The following TBX18 variants were observed in gnomAD, a reference collection of about 807,000 sequenced individuals.
TBX18 encodes T-box transcription factor 18.
TBX18 carries 21 observed loss-of-function variants against 55.0 expected under a neutral mutation model. The ratio of observed to expected loss-of-function variants is 0.38; its 90% CI spans 0.27 to 0.55. TBX18 has a LOEUF of 0.55. TBX18 is among the 20% of genes least tolerant of loss of function. TBX18 has a pLI of 0.73. For missense variants in TBX18, 840 were observed against 799.6 expected (o/e 1.05, Z -0.61); for synonymous variants, 342 against 326.1 (o/e 1.05, Z -0.53).
intron 3 of TBX18, among the ~76,000 whole-genome samples, chr6:84,759,907 T>C (rs944315669): frequency 1.3e-5 from 2 of 152,170 alleles, no homozygotes; most frequent in South Asian, 4.1e-4. Flanking sequence ...TAATATAATT[T>C]ATATCTATAA....
rs941344971 is a variant in TBX18 at position 84,736,041 on chromosome 6, T to C, written c.*644A>G. Reference sequence around the variant, plus strand: ...TGTAAAAAAAAAAATCACAAGCCTCTCCTTTACCTTCCTTAAGAAAATAAC... The same window carrying C: ...TGTAAAAAAAAAAATCACAAGCCTCCCCTTTACCTTCCTTAAGAAAATAAC... On this transcript the variant is annotated 3_prime_UTR_variant, in exon 8 of 8. Transcript: ENST00000369663. The C allele has an allele frequency of 2.6e-5, 4 of 152,244 alleles. No individual in the cohort carries two copies. The highest frequency in any genetic ancestry group is 9.7e-5 in the African/African-American group (4 of 41,446). 9.4% of individuals were successfully genotyped at this position (152,244 alleles called of 1,614,324 possible). A position where few individuals can be genotyped will look rare whatever the true frequency, so the allele number is the denominator to read the frequency against.
At position 84,763,982 on chromosome 6, in the gene TBX18, G is replaced by A. The variant is rs1767740804; in HGVS notation, c.200C>T (p.Ser67Phe). The stretch of plus-strand genomic sequence containing the variant: ...GAGCGCAGCGCCTTCGTCTCCCTCA[G>A]AAGAACCCTTTTCGCCCGCGCCGCC... ...RGGGAGEKGS[S>F]EGDEGAALPP... The change falls in exon 1 of 8, where the codon TCT becomes TTT. Residue 67 changes from serine (S) to phenylalanine (F), a missense_variant. Transcript: ENST00000369663. The A allele has an allele frequency of 1.3e-6, 2 of 1,582,538 alleles. No homozygotes were observed. Among genetic ancestry groups the A allele is most frequent in the Admixed American group, 1.7e-5 (1 of 57,882 alleles).
intron 6 of TBX18, among the ~76,000 whole-genome samples, chr6:84,743,905 G>A (rs533851004): frequency 8.5e-4 from 130 of 152,244 alleles, no homozygotes; most frequent in African/African-American, 2.7e-3. Flanking sequence ...ATAGATAGTC[G>A]CATCATCACT....
At chr6:84,750,141 T>C (rs1285601166) in intron 4 of TBX18, among the ~76,000 whole-genome samples, 1 of 151,958 alleles carries the variant, frequency 6.6e-6, no homozygotes, top group Admixed American at 6.6e-5. Flanking sequence ...AAAAATTAGC[T>C]GGGCGTGGTG....
At chr6:84,756,934 T>G in intron 3 of TBX18, 65 bp from the exon 4 acceptor site, 1 of 1,427,018 alleles carries the variant, frequency 7.0e-7, no homozygotes, top group Admixed American at 1.9e-5. Context: ...CTCAGTAGAA[T>G]CAGACAAAAT....
intron 5 of TBX18, among the ~76,000 whole-genome samples, chr6:84,747,512 T>A (rs2127875395): frequency 6.6e-6 from 1 of 152,310 alleles, no homozygotes; most frequent in African/African-American, 2.4e-5. Context: ...CCAAAATGAC[T>A]ATACAGGATA....
Position 84,736,617 on chromosome 6 carries a change from A to G in TBX18, c.*68T>C. 6.9e-7 allele frequency: 1 copy of G among 1,457,506 alleles called. No homozygotes were observed. 90.3% of individuals were successfully genotyped at this position (1,457,506 alleles called of 1,614,324 possible). A position where few individuals can be genotyped will look rare whatever the true frequency, so the allele number is the denominator to read the frequency against. ...TAAACCACAGAGAGTTTCTTTCCAC[A>G]TAGCTTTTAAAAAAGAAAAAGAAAA... On this transcript the variant is annotated 3_prime_UTR_variant, in exon 8 of 8. Transcript: ENST00000369663.
At chr6:84,748,816 T>G (rs1402248741) in intron 4 of TBX18, among the ~76,000 whole-genome samples, 1 of 152,198 alleles carries the variant, frequency 6.6e-6, no homozygotes, top group Non-Finnish European at 1.5e-5. Flanking sequence ...AAGCTTTTCA[T>G]GTACAAAGAC....
At position 84,734,216 on chromosome 6, in the gene TBX18, C is replaced by T. The variant is rs1773879402; in HGVS notation, c.*2469G>A. ...ATACCACCCCATCCCTTTCCTCTCA[C>T]ATTCAAATTTTCATGTGTTCAACAT... On this transcript the variant is annotated 3_prime_UTR_variant, in exon 8 of 8. Coordinates refer to ENST00000369663, the MANE Select transcript of TBX18 (RefSeq NM_001080508.3). 1 of 152,158 alleles carries T rather than the reference C, an allele frequency of 6.6e-6. No individual in the cohort carries two copies. Among genetic ancestry groups the T allele is most frequent in the African/African-American group, 2.4e-5 (1 of 41,416 alleles). The allele number at this position is 152,158 out of a possible 1,614,324, so 9.4% of individuals were successfully genotyped here. A position where few individuals can be genotyped will look rare whatever the true frequency, so the allele number is the denominator to read the frequency against.
In TBX18 at chr6:84,763,689, C is replaced by G. The variant is rs950025113; in HGVS notation, c.292+201G>C. 7.2e-5 allele frequency among the ~76,000 whole-genome samples: 11 copies of G among 152,084 alleles called. No individual in the cohort carries two copies. The South Asian group carries it at 1.2e-3, about 17-fold the overall frequency. On this transcript the variant is annotated intron_variant, in intron 1 of 7. Transcript: ENST00000369663. ...TCGCCGAGTGGGCGGCGGCCGCCCGCGAGGCGAGCCTGGAAGCAGTATCTG... is the reference window on the plus strand; with the variant it reads ...TCGCCGAGTGGGCGGCGGCCGCCCGGGAGGCGAGCCTGGAAGCAGTATCTG...
At chr6:84,740,479 C>T (rs574743705) in intron 6 of TBX18, among the ~76,000 whole-genome samples, 4 of 152,238 alleles carry the variant, frequency 2.6e-5, no homozygotes, top group Admixed American at 2.6e-4. Context: ...ATATCTGTGG[C>T]CAAACTACAA....
At chr6:84,744,440 G>A in intron 5 of TBX18, 115 bp from the exon 6 acceptor site, 2 of 771,006 alleles carry the variant, frequency 2.6e-6, no homozygotes, top group South Asian at 2.0e-5. Context: ...TATTGTATAA[G>A]CCTCTTTTAT....
At chr6:84,742,376 T>A (rs1029876291) in intron 6 of TBX18, 5 of 152,168 alleles carry the variant, frequency 3.3e-5, no homozygotes, top group African/African-American at 1.2e-4. Context: ...GAACTCGCCA[T>A]ATCAAACAAT....
At position 84,756,888 on chromosome 6, in the gene TBX18, G is replaced by A; in HGVS notation, c.600-19C>T. 18 of 1,612,578 alleles carry A rather than the reference G, an allele frequency of 1.1e-5. No homozygotes were observed. The highest frequency in any genetic ancestry group is 1.5e-5 in the Non-Finnish European group (18 of 1,178,976). On this transcript the variant is annotated intron_variant, in intron 3 of 7. Coordinates refer to ENST00000369663, the MANE Select transcript of TBX18 (RefSeq NM_001080508.3). ...AACATACCTAGAAGGCAATGACCAG[G>A]CGTTCAGTATACTGTTTTTATCTTG...
chr6:84,759,748 G>A (rs1210127147), intron 3 of TBX18, among the ~76,000 whole-genome samples: 1 of 151,576 alleles, frequency 6.6e-6, no homozygotes, highest in Non-Finnish European at 1.5e-5. Context: ...ACATAAATTA[G>A]AAGATTTTTA....
At chr6:84,762,135 A>C (rs1767663315) in intron 2 of TBX18, among the ~76,000 whole-genome samples, 1 of 150,930 alleles carries the variant, frequency 6.6e-6, no homozygotes, top group Non-Finnish European at 1.5e-5. Flanking sequence ...ACTGGAGTAA[A>C]CTGCTGTTTA....
chr6:84,736,619 A>G lies in TBX18; in HGVS notation c.*66T>C. 1 of 1,457,602 alleles carries G rather than the reference A, an allele frequency of 6.9e-7. No homozygotes were observed. Among genetic ancestry groups the G allele is most frequent in the Non-Finnish European group, 9.1e-7 (1 of 1,101,166 alleles). The allele number at this position is 1,457,602 out of a possible 1,614,324, so 90.3% of individuals were successfully genotyped here. On this transcript the variant is annotated 3_prime_UTR_variant, in exon 8 of 8. Coordinates refer to ENST00000369663, the MANE Select transcript of TBX18 (RefSeq NM_001080508.3). ...AACCACAGAGAGTTTCTTTCCACAT[A>G]GCTTTTAAAAAAGAAAAAGAAAATA...
chr6:84,736,541 T>C lies in TBX18; in HGVS notation c.*144A>G, dbSNP rs959345153. On this transcript the variant is annotated 3_prime_UTR_variant, in exon 8 of 8. Coordinates refer to ENST00000369663, the MANE Select transcript of TBX18 (RefSeq NM_001080508.3). ...ATAGATAATTACAATCTCACCATGATAAAGTCAAAAAACCCAGTGAGCCTT... is the reference window on the plus strand; with the variant it reads ...ATAGATAATTACAATCTCACCATGACAAAGTCAAAAAACCCAGTGAGCCTT... 5.5e-6 allele frequency: 5 copies of C among 915,008 alleles called. No homozygotes were observed. Among genetic ancestry groups the C allele is most frequent in the African/African-American group, 5.2e-5 (3 of 58,228 alleles). The allele number at this position is 915,008 out of a possible 1,614,324, so 56.7% of individuals were successfully genotyped here.
intron 4 of TBX18, among the ~76,000 whole-genome samples, chr6:84,749,287 T>C (rs1258435147): frequency 2.0e-5 from 3 of 152,186 alleles, no homozygotes; most frequent in Admixed American, 6.5e-5. Flanking sequence ...TATGAATTTA[T>C]AGAACAAATG....
Sources: allele counts gnomAD v4.1 joint callset (sites outside exome capture counted in the v4.1 genomes callset), GRCh38; gene constraint gnomAD v4.1.1; transcripts MANE v1.5; gene names NCBI Gene and HGNC (gene_info 2026-07-23, HGNC 2026-07-21).